The following KIF7 variants were observed in gnomAD, a reference collection of about 807,000 sequenced individuals.
KIF7 encodes the protein kinesin family member 7.
A neutral mutation model predicts 135.7 loss-of-function variants in KIF7; 104 were observed. The ratio of observed to expected loss-of-function variants is 0.77; its 90% CI spans 0.65 to 0.90. The LOEUF is 0.90. Ranked by LOEUF, KIF7 falls within the 40% of genes least tolerant of loss-of-function variation. KIF7 has a pLI of 0.00. For synonymous variants in KIF7, 883 were observed against 809.4 expected, an observed-to-expected ratio of 1.09 and a Z score of -1.54; for missense variants, 2,005 against 1,839.1, an observed-to-expected ratio of 1.09 and a Z score of -1.65.
chr15:89,621,982 CT>C (rs34123859), intron 1 of KIF7, among the ~76,000 whole-genome samples: 1,905 of 87,696 alleles, frequency 0.022, 9 homozygotes, highest in Middle Eastern at 0.046. Context: ...CAAACTGACT[CT>C]TTTTTTTTTT....
chr15:89,630,374 C>G lies in KIF7; in HGVS notation c.3231G>C (p.Leu1077=). 1.9e-6 allele frequency: 3 copies of G among 1,614,130 alleles called. No individual in the cohort carries two copies. The highest frequency in any genetic ancestry group is 2.5e-6 in the Non-Finnish European group (3 of 1,179,982). The change falls in exon 16 of 19, where the codon CTG becomes CTC. Residue 1077 remains leucine (L), a synonymous_variant. Transcript: ENST00000394412. ...QRVLRASASL[L]SQCEMNLMAK... is the part of the protein sequence containing the mutation. ...CCATGAGGTTCATCTCGCACTGGGA[C>G]AGCAACGAGGCTGAGGCCCGAAGCA...
intron 1 of KIF7, among the ~76,000 whole-genome samples, chr15:89,618,784 G>T (rs1963376205): frequency 6.6e-6 from 1 of 152,160 alleles, no homozygotes; most frequent in Non-Finnish European, 1.5e-5. Flanking sequence ...ACAGTGAGGT[G>T]CTGTGTCTAT....
chr15:89,624,115 C>T (rs762380053), downstream of KIF7: 24 of 1,613,804 alleles, frequency 1.5e-5, no homozygotes, highest in Non-Finnish European at 1.9e-5. Context: ...ACACCAACAG[C>T]CCCATGTCCT....
chr15:89,652,198 T>C (rs1384530457), intron 2 of KIF7, among the ~76,000 whole-genome samples: 1 of 152,174 alleles, frequency 6.6e-6, no homozygotes, highest in Admixed American at 6.5e-5. Context: ...GCAGCCCTGC[T>C]GTGCAGTATC....
At chr15:89,625,232 C>A (rs1282291706), downstream of KIF7, 1 of 1,613,576 alleles carries the variant, frequency 6.2e-7, no homozygotes, top group Non-Finnish European at 8.5e-7. Flanking sequence ...AGGGGGCAAA[C>A]CTACATCTGC....
At chr15:89,625,576 A>G (rs771406481), downstream of KIF7, 4 of 1,613,038 alleles carry the variant, frequency 2.5e-6, no homozygotes, top group East Asian at 6.7e-5. Flanking sequence ...CAGGAACAGC[A>G]TGCCTAAGGC....
chr15:89,618,787 G>A (rs892455178), intron 1 of KIF7, among the ~76,000 whole-genome samples: 10 of 152,266 alleles, frequency 6.6e-5, no homozygotes, highest in African/African-American at 2.2e-4. Flanking sequence ...GTGAGGTGCT[G>A]TGTCTATAAA....
chr15:89,649,427 G>A, intron 3 of KIF7, 60 bp from the exon 4 acceptor site: 1 of 1,435,612 alleles, frequency 7.0e-7, no homozygotes, highest in Non-Finnish European at 9.1e-7. Flanking sequence ...CCAGCCAGGA[G>A]GGCAGGCAGA....
chr15:89,654,675 G>T (rs1964179990), intron 1 of KIF7, among the ~76,000 whole-genome samples: 1 of 152,088 alleles, frequency 6.6e-6, no homozygotes, highest in Non-Finnish European at 1.5e-5. Flanking sequence ...TATCACCAGC[G>T]CCCAACACAA....
chr15:89,646,894 A>C lies in KIF7; in HGVS notation c.1724T>G (p.Val575Gly), dbSNP rs1314470026. 1 of 1,614,032 alleles carries C rather than the reference A, an allele frequency of 6.2e-7. No individual in the cohort carries two copies. Among genetic ancestry groups the C allele is most frequent in the Admixed American group, 1.7e-5 (1 of 60,016 alleles). Residue 575 changes from valine to glycine, a missense_variant, in exon 7 of 19, where the codon GTG (valine) becomes GGG (glycine). Physicochemically the swap from Val to Gly is moderately radical, Grantham distance 109. Coordinates refer to ENST00000394412, the MANE Select transcript of KIF7 (RefSeq NM_198525.3). ...TAPLGGAHAH[V>G]LGMVPPACLP... Reference sequence around the variant, plus strand: ...GCAGGCAGGCGGCACCATGCCCAGCACATGGGCGTGGGCACCCCCCAGGGG... The same window carrying C: ...GCAGGCAGGCGGCACCATGCCCAGCCCATGGGCGTGGGCACCCCCCAGGGG...
chr15:89,626,107 C>T (rs1413451807), downstream of KIF7: 1 of 1,597,394 alleles, frequency 6.3e-7, no homozygotes, highest in Non-Finnish European at 8.5e-7. Flanking sequence ...GACAGACTGT[C>T]TGAATTCACC....
downstream of KIF7, chr15:89,625,480 G>A (rs773809134): frequency 2.5e-5 from 41 of 1,613,864 alleles, no homozygotes; most frequent in South Asian, 1.1e-4. Flanking sequence ...CAAGGACCAC[G>A]GCCTTGAACT....
chr15:89,631,808 C>T, intron 14 of KIF7, 98 bp from the exon 15 acceptor site: 2 of 1,038,518 alleles, frequency 1.9e-6, no homozygotes, highest in Non-Finnish European at 2.8e-6. Context: ...GCGTCCTTCC[C>T]TCAAGAAACC....
rs921943205 is a variant in KIF7 at position 89,648,399 on chromosome 15, G to C, written c.1299C>G (p.Pro433=). ...CGCGCACCTTGCGGGCGGCGGCGCCGGGCAGCCCGGGCTCGGCCTGCAGCT... is the reference window on the plus strand; with the variant it reads ...CGCGCACCTTGCGGGCGGCGGCGCCCGGCAGCCCGGGCTCGGCCTGCAGCT... The part of the protein sequence containing the change: ...LRELQAEPGL[P]GAAARKVRDW... The change falls in exon 5 of 19, where the codon CCC becomes CCG. Residue 433 remains proline (P), a synonymous_variant. Transcript: ENST00000394412. 1.7e-6 allele frequency: 2 copies of C among 1,151,720 alleles called. No individual in the cohort carries two copies. Among genetic ancestry groups the C allele is most frequent in the African/African-American group, 3.3e-5 (2 of 60,316 alleles). The allele number at this position is 1,151,720 out of a possible 1,614,324, so 71.3% of individuals were successfully genotyped here.
intron 10 of KIF7, 116 bp downstream of exon 10, chr15:89,644,897 G>A: frequency 7.2e-7 from 1 of 1,380,248 alleles, no homozygotes; most frequent in Non-Finnish European, 1.0e-6. Flanking sequence ...ATCAAACCTA[G>A]GCCATCCGGC....
At chr15:89,633,422 C>T (rs548902352) in intron 12 of KIF7, among the ~76,000 whole-genome samples, 156 bp from the exon 13 acceptor site, 5 of 152,194 alleles carry the variant, frequency 3.3e-5, no homozygotes, top group African/African-American at 9.7e-5. Context: ...CCCTGGAGAC[C>T]GGCAAATAGA....
rs373550191 is a variant in KIF7 at position 89,631,580 on chromosome 15, C to T, written c.3026G>A (p.Ser1009Asn). The change falls in exon 15 of 19, where the codon AGC (serine) becomes AAC (asparagine). Residue 1009 changes from serine to asparagine, a missense_variant. Coordinates refer to ENST00000394412, the MANE Select transcript of KIF7 (RefSeq NM_198525.3). ...CAGCGAGTCCTTCTCCTGGCGCAGG[C>T]TGTCGATCTCCCCGCGGATCTGCTG... ...SQQQIRGEID[S>N]LRQEKDSLLK... The T allele has an allele frequency of 6.4e-7, 1 of 1,567,062 alleles. No individual in the cohort carries two copies. The highest frequency in any genetic ancestry group is 1.4e-5 in the African/African-American group (1 of 73,842).
Position 89,655,455 on chromosome 15 carries a change from G to C in KIF7, c.-81C>G, listed in dbSNP as rs1050671253. 1 of 152,214 alleles carries C rather than the reference G, an allele frequency of 6.6e-6. No individual in the cohort carries two copies. The highest frequency in any genetic ancestry group is 1.5e-5 in the Non-Finnish European group (1 of 68,076). The allele number at this position is 152,214 out of a possible 1,614,324, so 9.4% of individuals were successfully genotyped here. ...GCAGTCAGGTTTCCATCCCCAGTGCGGCGCGCTCCGATGCCGTCATCGGGA... is the reference window on the plus strand; with the variant it reads ...GCAGTCAGGTTTCCATCCCCAGTGCCGCGCGCTCCGATGCCGTCATCGGGA... On this transcript the variant is annotated 5_prime_UTR_variant, in exon 1 of 19. Coordinates refer to ENST00000394412, the MANE Select transcript of KIF7 (RefSeq NM_198525.3).
downstream of KIF7, chr15:89,624,763 G>A (rs1026207241): frequency 1.2e-6 from 2 of 1,614,104 alleles, no homozygotes; most frequent in Non-Finnish European, 1.7e-6. Flanking sequence ...CGTCTTATCA[G>A]TGGAAGAGGG....
Sources: allele counts gnomAD v4.1 joint callset (sites outside exome capture counted in the v4.1 genomes callset), GRCh38; gene constraint gnomAD v4.1.1; transcripts MANE v1.5; gene names NCBI Gene and HGNC (gene_info 2026-07-23, HGNC 2026-07-21).